PKP4: variants seen among roughly 807,000 people sequenced by gnomAD.
The protein encoded by PKP4 is plakophilin-4.
PKP4 carries 90 observed loss-of-function variants against 145.1 expected under a neutral mutation model. The observed-to-expected ratio is 0.62, with a 90% CI of 0.52 to 0.74. PKP4 has a LOEUF of 0.74. Ranked by LOEUF, PKP4 falls within the 30% of genes least tolerant of loss-of-function variation. PKP4 has a pLI of 0.00. For missense variants in PKP4, 1,340 were observed against 1,482.7 expected (o/e 0.90, Z 1.58); for synonymous variants, 563 against 577.2 (o/e 0.98, Z 0.35).
At chr2:158,646,296 A>G (rs1056980631) in intron 11 of PKP4, among the ~76,000 whole-genome samples, 1 of 152,216 alleles carries the variant, frequency 6.6e-6, no homozygotes, top group Admixed American at 6.5e-5. Flanking sequence ...GTTTTCTTCA[A>G]AACATTGAAA....
chr2:158,663,496 TTGAAA>T (rs2056800205), intron 15 of PKP4, 51 bp downstream of exon 15: 1 of 1,466,818 alleles, frequency 6.8e-7, no homozygotes, highest in African/African-American at 1.4e-5. Context: ...GCAAACTAAC[TTGAAA>T]TGTTATATAT....
chr2:158,463,100 A>T (rs914392162), intron 1 of PKP4, among the ~76,000 whole-genome samples: 1 of 152,204 alleles, frequency 6.6e-6, no homozygotes, highest in African/African-American at 2.4e-5. Context: ...TGTGAGCTTG[A>T]TAGTTTGCAG....
chr2:158,493,201 A>C (rs958383017), intron 1 of PKP4, among the ~76,000 whole-genome samples: 3 of 152,156 alleles, frequency 2.0e-5, no homozygotes, highest in African/African-American at 7.2e-5. Flanking sequence ...ATAGATGAGA[A>C]TCTCTGCCTT....
chr2:158,553,226 A>G (rs989999633), intron 2 of PKP4, among the ~76,000 whole-genome samples: 1 of 152,248 alleles, frequency 6.6e-6, no homozygotes, highest in Non-Finnish European at 1.5e-5. Flanking sequence ...TTCTCAGCCT[A>G]TCCAGGTTGC....
At chr2:158,537,304 C>CAT (rs1322781054) in intron 2 of PKP4, among the ~76,000 whole-genome samples, 2 of 152,154 alleles carry the variant, frequency 1.3e-5, no homozygotes, top group Non-Finnish European at 2.9e-5. Context: ...CAAATAATGA[C>CAT]ATAGGTGTCA....
At chr2:158,533,474 T>C (rs537555054) in intron 2 of PKP4, 158 bp downstream of exon 2, 83 of 838,618 alleles carry the variant, frequency 9.9e-5, no homozygotes, top group Middle Eastern at 9.6e-4. Flanking sequence ...ATGACTGGCA[T>C]GTAGAGCCGC....
At chr2:158,508,366 C>CAAAAAAAAAAAA (rs747754927) in intron 1 of PKP4, among the ~76,000 whole-genome samples, 1 of 115,888 alleles carries the variant, frequency 8.6e-6, no homozygotes, top group East Asian at 2.3e-4. Context: ...AACTCCGTCT[C>CAAAAAAAAAAAA]AAAAAAAAAA....
intron 3 of PKP4, among the ~76,000 whole-genome samples, chr2:158,602,599 A>C (rs1419861777): frequency 6.6e-6 from 1 of 152,222 alleles, no homozygotes; most frequent in Non-Finnish European, 1.5e-5. Flanking sequence ...TTTTGATATG[A>C]AGTTCTGCGT....
intron 4 of PKP4, among the ~76,000 whole-genome samples, chr2:158,603,720 A>G (rs113447759): frequency 0.014 from 2,094 of 152,294 alleles, 58 homozygotes; most frequent in African/African-American, 0.047. Flanking sequence ...TGCTGTGCAC[A>G]TTGCTGGGCA....
chr2:158,497,236 G>A (rs548636251), intron 1 of PKP4, among the ~76,000 whole-genome samples: 1 of 152,208 alleles, frequency 6.6e-6, no homozygotes, highest in East Asian at 1.9e-4. Context: ...TTCAACTATC[G>A]GGAAGCTCCT....
chr2:158,630,530 GCA>G (rs1000069068), intron 7 of PKP4, among the ~76,000 whole-genome samples: 4 of 152,142 alleles, frequency 2.6e-5, no homozygotes, highest in African/African-American at 9.7e-5. Flanking sequence ...AAAACTTATA[GCA>G]CAAAACTTCC....
chr2:158,517,039 T>C (rs1436595521), intron 1 of PKP4, among the ~76,000 whole-genome samples: 4 of 152,234 alleles, frequency 2.6e-5, no homozygotes, highest in Non-Finnish European at 5.9e-5. Flanking sequence ...TTGTTTTTAT[T>C]GCCTCTAGTA....
At chr2:158,481,867 G>C (rs945119232) in intron 1 of PKP4, among the ~76,000 whole-genome samples, 3 of 152,134 alleles carry the variant, frequency 2.0e-5, no homozygotes, top group Admixed American at 2.0e-4. Flanking sequence ...AGCAAAACTG[G>C]TTTATACAGG....
At chr2:158,531,703 T>A (rs2105620753) in intron 1 of PKP4, among the ~76,000 whole-genome samples, 1 of 152,200 alleles carries the variant, frequency 6.6e-6, no homozygotes, top group South Asian at 2.1e-4. Flanking sequence ...AGGTAGAAAC[T>A]CCCCCCAGGG....
chr2:158,603,335 T>C (rs2050380983), intron 4 of PKP4, among the ~76,000 whole-genome samples: 1 of 152,226 alleles, frequency 6.6e-6, no homozygotes, highest in South Asian at 2.1e-4. Flanking sequence ...ATTTTTAATA[T>C]TAACCCCATA....
chr2:158,512,703 C>T (rs779419279), intron 1 of PKP4, among the ~76,000 whole-genome samples: 10 of 152,188 alleles, frequency 6.6e-5, no homozygotes, highest in Non-Finnish European at 1.3e-4. Context: ...AATCAGCTAG[C>T]TTATTGTCTG....
chr2:158,594,100 G>A (rs572522382), intron 3 of PKP4, among the ~76,000 whole-genome samples: 50 of 152,242 alleles, frequency 3.3e-4, no homozygotes, highest in Admixed American at 8.5e-4. Context: ...GAGGTATCAG[G>A]TCTGCCTTCC....
rs554451046 is a variant in PKP4 at position 158,593,574 on chromosome 2, A to G, written c.246-9496A>G. ...GCACTAACATAAAATGCTTTTGTCA[A>G]AGAATATTTAACATCTTCTGAAATT... On this transcript the variant is annotated intron_variant, in intron 3 of 21. Coordinates refer to ENST00000389759, the MANE Select transcript of PKP4 (RefSeq NM_003628.6). Among the ~76,000 whole-genome samples, 26 of 152,326 alleles carry G rather than the reference A, an allele frequency of 1.7e-4. No homozygotes were observed. In the South Asian group the frequency reaches 4.8e-3, roughly 28 times the overall value.
chr2:158,645,989 C>T (rs1012622481), intron 11 of PKP4, among the ~76,000 whole-genome samples: 3 of 152,148 alleles, frequency 2.0e-5, no homozygotes, highest in African/African-American at 7.2e-5. Flanking sequence ...ATGATTTCCT[C>T]CTTATTTTAT....
Sources: gnomAD v4.1 joint callset for allele counts (sites outside exome capture counted in the v4.1 genomes callset) on GRCh38, gnomAD v4.1.1 for gene constraint, MANE v1.5 for transcripts, NCBI Gene and HGNC (gene_info 2026-07-23, HGNC 2026-07-21) for gene names.